CCNJL: variants seen among roughly 807,000 people sequenced by gnomAD.
CCNJL encodes the protein cyclin-J-like protein.
A neutral mutation model predicts 33.4 loss-of-function variants in CCNJL; 33 were observed. The ratio of observed to expected loss-of-function variants is 0.99; its 90% CI spans 0.75 to 1.32. CCNJL has a LOEUF of 1.32. Ranked by LOEUF, CCNJL falls within the 40% of genes most tolerant of loss-of-function variation. The pLI is 0.00. For synonymous variants in CCNJL, 227 were observed against 220.9 expected, an observed-to-expected ratio of 1.03 and a Z score of -0.24; for missense variants, 512 against 499.7, an observed-to-expected ratio of 1.02 and a Z score of -0.23.
intron 1 of CCNJL, among the ~76,000 whole-genome samples, chr5:160,333,011 A>G (rs1207399665): frequency 2.0e-5 from 3 of 152,170 alleles, no homozygotes; most frequent in Non-Finnish European, 4.4e-5. Flanking sequence ...TCCGCTGGGC[A>G]TGGTGGCTCA....
chr5:160,318,338 G>A (rs1468232344), intron 1 of CCNJL, among the ~76,000 whole-genome samples: 8 of 152,244 alleles, frequency 5.3e-5, no homozygotes, highest in Admixed American at 1.3e-4. Flanking sequence ...CAAGGACACC[G>A]GTCATATTGG....
chr5:160,309,442 T>C (rs962325374), intron 2 of CCNJL, among the ~76,000 whole-genome samples: 2 of 152,248 alleles, frequency 1.3e-5, no homozygotes, highest in African/African-American at 2.4e-5. Flanking sequence ...ACAGCACATA[T>C]GTAAACATGC....
intron 2 of CCNJL, among the ~76,000 whole-genome samples, chr5:160,289,184 G>A (rs1408078508): frequency 3.9e-5 from 6 of 152,062 alleles, no homozygotes; most frequent in East Asian, 3.9e-4. Flanking sequence ...GCTTCCCACC[G>A]CCAGCAGCCA....
At chr5:160,263,864 A>G (rs994205375) in intron 3 of CCNJL, among the ~76,000 whole-genome samples, 2 of 152,122 alleles carry the variant, frequency 1.3e-5, no homozygotes, top group Non-Finnish European at 2.9e-5. Flanking sequence ...AAGTTTTAAA[A>G]ATCATATCAT....
intron 1 of CCNJL, among the ~76,000 whole-genome samples, chr5:160,336,942 T>C (rs1363965628): frequency 6.6e-6 from 1 of 151,336 alleles, no homozygotes; most frequent in East Asian, 1.9e-4. Flanking sequence ...GCTCCCATCA[T>C]CCCTTGCTGG....
intron 2 of CCNJL, among the ~76,000 whole-genome samples, chr5:160,284,048 C>A (rs189782768): frequency 2.6e-5 from 4 of 152,118 alleles, no homozygotes; most frequent in Middle Eastern, 3.2e-3. Context: ...TGCTTGACTG[C>A]ACGTTAAAAA....
chr5:160,273,928 C>T (rs559357898), intron 3 of CCNJL, among the ~76,000 whole-genome samples: 42 of 151,670 alleles, frequency 2.8e-4, no homozygotes, highest in African/African-American at 8.9e-4. Context: ...GGATTACAGG[C>T]GTGAGCCACT....
chr5:160,279,685 C>T (rs542592621), intron 3 of CCNJL, among the ~76,000 whole-genome samples: 1 of 152,224 alleles, frequency 6.6e-6, no homozygotes, highest in South Asian at 2.1e-4. Context: ...GAGAAGCAAT[C>T]CAGGTAGAGG....
chr5:160,323,062 G>A lies in CCNJL; in HGVS notation n.207-7557C>T, dbSNP rs564813403. Among the ~76,000 whole-genome samples, 7 of 151,926 alleles carry A rather than the reference G, an allele frequency of 4.6e-5. No homozygotes were observed. The East Asian group carries it at 1.2e-3, about 25-fold the overall frequency. On this transcript the variant is annotated intron_variant and non_coding_transcript_variant, in intron 1 of 7. Transcript: ENST00000377503. The stretch of plus-strand genomic sequence containing the variant: ...AGCCTGGCCAATATGGTGAAACCCC[G>A]TCTTTACTAAAAACATACAAAAATT...
intron 2 of CCNJL, among the ~76,000 whole-genome samples, chr5:160,295,757 G>A (rs1443661629): frequency 6.6e-6 from 1 of 152,158 alleles, no homozygotes; most frequent in African/African-American, 2.4e-5. Flanking sequence ...GAAGAGCAAG[G>A]AAGGACCTTC....
intron 2 of CCNJL, among the ~76,000 whole-genome samples, chr5:160,285,599 A>C (rs919228510): frequency 6.6e-6 from 1 of 152,250 alleles, no homozygotes; most frequent in African/African-American, 2.4e-5. Context: ...GATTGAGCCA[A>C]GTTGTACAAT....
intron 3 of CCNJL, among the ~76,000 whole-genome samples, chr5:160,277,223 C>T (rs1441228465): frequency 6.6e-6 from 1 of 152,276 alleles, no homozygotes; most frequent in African/African-American, 2.4e-5. Flanking sequence ...ACAGCACGAC[C>T]GCATAGGCTG....
chr5:160,303,186 G>C (rs1009085590), intron 2 of CCNJL, among the ~76,000 whole-genome samples: 1 of 152,154 alleles, frequency 6.6e-6, no homozygotes, highest in African/African-American at 2.4e-5. Context: ...AGTGTTTTAC[G>C]ACAAGGTATT....
intron 5 of CCNJL, 38 bp downstream of exon 5, chr5:160,255,511 A>G: frequency 6.2e-7 from 1 of 1,603,914 alleles, no homozygotes; most frequent in African/African-American, 1.3e-5. Context: ...GAGGAACCTC[A>G]CTATTTCAGA....
chr5:160,275,171 G>A (rs1161712159), intron 3 of CCNJL, among the ~76,000 whole-genome samples: 1 of 148,476 alleles, frequency 6.7e-6, no homozygotes, highest in African/African-American at 2.5e-5. Context: ...TGCAACCTCC[G>A]CCTCCCGGGT....
intron 1 of CCNJL, among the ~76,000 whole-genome samples, chr5:160,321,316 CA>C (rs895402429): frequency 1.3e-5 from 2 of 152,078 alleles, no homozygotes; most frequent in African/African-American, 4.8e-5. Context: ...CTCCAACAGA[CA>C]ATAAACAGGA....
intron 3 of CCNJL, chr5:160,269,348 C>G: frequency 2.2e-6 from 1 of 451,790 alleles, no homozygotes; most frequent in Non-Finnish European, 4.5e-6. Context: ...TAGCTGGCAT[C>G]TGGGGCCTGC....
At chr5:160,282,674 A>AT (rs1448402283) in intron 2 of CCNJL, among the ~76,000 whole-genome samples, 2 of 152,094 alleles carry the variant, frequency 1.3e-5, no homozygotes, top group Non-Finnish European at 2.9e-5. Context: ...CAAAGAAAGT[A>AT]TAAAAATGAC....
intron 3 of CCNJL, among the ~76,000 whole-genome samples, chr5:160,260,282 G>A (rs1190985362): frequency 6.6e-6 from 1 of 152,114 alleles, no homozygotes; most frequent in Non-Finnish European, 1.5e-5. Flanking sequence ...CCGCTATCCT[G>A]GCTATTGAGT....
Sources: allele counts gnomAD v4.1 joint callset (sites outside exome capture counted in the v4.1 genomes callset), GRCh38; gene constraint gnomAD v4.1.1; transcripts MANE v1.5; gene names NCBI Gene and HGNC (gene_info 2026-07-23, HGNC 2026-07-21).